Variants in USH2A observed in about 807,000 individuals in gnomAD.
USH2A encodes the protein usherin, also known as Usher syndrome 2A (autosomal recessive, mild).
USH2A carries 443 observed loss-of-function variants against 538.9 expected under a neutral mutation model. That is an observed-to-expected ratio of 0.82 (90% confidence interval 0.76 to 0.89). The LOEUF (loss-of-function observed/expected upper bound fraction) is 0.89. Ranked by LOEUF, USH2A falls within the 40% of genes least tolerant of loss-of-function variation. USH2A has a pLI of 0.00. For synonymous variants in USH2A, 2,413 were observed against 2,273.5 expected, an observed-to-expected ratio of 1.06 and a Z score of -1.75; for missense variants, 6,633 against 6,324.8, an observed-to-expected ratio of 1.05 and a Z score of -1.65.
chr1:216,083,870 A>C (rs1423543168), intron 25 of USH2A, among the ~76,000 whole-genome samples: 1 of 152,166 alleles, frequency 6.6e-6, no homozygotes, highest in East Asian at 1.9e-4. Flanking sequence ...GTTTCAGATA[A>C]ATATTAACAA....
chr1:215,740,157 T>C (rs568306453), intron 60 of USH2A, among the ~76,000 whole-genome samples: 191 of 152,294 alleles, frequency 1.3e-3, no homozygotes, highest in African/African-American at 4.5e-3. Flanking sequence ...CCTCACTTTC[T>C]CTATTTTTTC....
chr1:215,719,260 A>C (rs1382069435), intron 61 of USH2A, among the ~76,000 whole-genome samples: 2 of 150,894 alleles, frequency 1.3e-5, no homozygotes, highest in Non-Finnish European at 1.5e-5. Flanking sequence ...AGAGAACTAC[A>C]TATAGGGTGG....
intron 47 of USH2A, among the ~76,000 whole-genome samples, chr1:215,825,593 A>C (rs1008878014): frequency 6.6e-6 from 1 of 152,164 alleles, no homozygotes; most frequent in Non-Finnish European, 1.5e-5. Context: ...ACACTCTAAG[A>C]TATTAACCTA....
chr1:216,277,704 C>T (rs1203230107), intron 11 of USH2A, among the ~76,000 whole-genome samples: 2 of 152,156 alleles, frequency 1.3e-5, no homozygotes, highest in Non-Finnish European at 2.9e-5. Context: ...TACATGTCTT[C>T]AGCCTTCTAT....
chr1:215,696,250 C>A (rs1431405185), intron 61 of USH2A, among the ~76,000 whole-genome samples: 2 of 152,152 alleles, frequency 1.3e-5, no homozygotes, highest in Non-Finnish European at 2.9e-5. Flanking sequence ...GGTCTTCATC[C>A]TTGCCATTTT....
chr1:215,875,404 T>C (rs1664737763), intron 43 of USH2A, among the ~76,000 whole-genome samples: 1 of 152,112 alleles, frequency 6.6e-6, no homozygotes, highest in South Asian at 2.1e-4. Flanking sequence ...CTAGTCAAAA[T>C]ATCCCTTTAA....
chr1:215,848,556 C>T (rs1432550473), intron 44 of USH2A, among the ~76,000 whole-genome samples: 6 of 152,130 alleles, frequency 3.9e-5, no homozygotes, highest in Non-Finnish European at 7.4e-5. Context: ...CACCGTATGC[C>T]AGTCCCTCTG....
At chr1:216,361,336 A>G (rs1046848641) in intron 4 of USH2A, among the ~76,000 whole-genome samples, 6 of 152,138 alleles carry the variant, frequency 3.9e-5, no homozygotes, top group Non-Finnish European at 8.8e-5. Flanking sequence ...TATCTTCGTG[A>G]TATCAGGGTT....
intron 37 of USH2A, among the ~76,000 whole-genome samples, chr1:215,964,120 A>C (rs1667271338): frequency 6.6e-6 from 1 of 152,144 alleles, no homozygotes; most frequent in Non-Finnish European, 1.5e-5. Context: ...TCTCTGCAAA[A>C]ACAATGCAAG....
At chr1:216,273,581 C>T (rs1017102835) in intron 11 of USH2A, among the ~76,000 whole-genome samples, 1 of 151,946 alleles carries the variant, frequency 6.6e-6, no homozygotes, top group African/African-American at 2.4e-5. Flanking sequence ...TTCTGTTATT[C>T]ACTGTAATAT....
chr1:215,926,103 C>A (rs1306263239), intron 38 of USH2A, among the ~76,000 whole-genome samples: 1 of 150,496 alleles, frequency 6.6e-6, no homozygotes, highest in Non-Finnish European at 1.5e-5. Flanking sequence ...GTGCAAGATA[C>A]AATAGAGTTT....
intron 67 of USH2A, among the ~76,000 whole-genome samples, chr1:215,644,814 C>T (rs1463607905): frequency 1.3e-5 from 2 of 152,152 alleles, no homozygotes; most frequent in Non-Finnish European, 2.9e-5. Context: ...ATCTGCAGAC[C>T]GTTCCTCAGG....
Position 215,758,758 on chromosome 1 carries a change from T to C in USH2A, c.11232-6A>G. The C allele has an allele frequency of 1.2e-6, 2 of 1,613,530 alleles. No individual in the cohort carries two copies. The highest frequency in any genetic ancestry group is 1.7e-6 in the Non-Finnish European group (2 of 1,179,774). On this transcript the variant is annotated splice_polypyrimidine_tract_variant and splice_region_variant and intron_variant, in intron 57 of 71. Transcript: ENST00000307340. ...CTTCTAACTTGTAAGTGTATCTATA[T>C]TTAAAAAGAAAGAAGAATTGTGGTA...
intron 9 of USH2A, among the ~76,000 whole-genome samples, chr1:216,309,251 T>G (rs1294185168): frequency 6.6e-6 from 1 of 152,214 alleles, no homozygotes. Context: ...ATTTTGATTT[T>G]TAATTATACA....
At chr1:215,938,944 G>A (rs192425805) in intron 37 of USH2A, among the ~76,000 whole-genome samples, 85 of 152,258 alleles carry the variant, frequency 5.6e-4, no homozygotes, top group African/African-American at 1.9e-3. Context: ...ATAGGGTGCT[G>A]GGATCACTAG....
At chr1:216,386,023 G>A (rs1259205436) in intron 3 of USH2A, among the ~76,000 whole-genome samples, 2 of 152,130 alleles carry the variant, frequency 1.3e-5, no homozygotes, top group African/African-American at 4.8e-5. Flanking sequence ...ACAGTCATTA[G>A]TGTTTATGTC....
rs1558094328 is a variant in USH2A, at chr1:215,779,903, G to A, written c.10879C>T (p.Gln3627Ter). ...NGVIKEYQIR[Q>*]VGKGLIHTDT... ...GTGTGGATGAGACCTTTCCCAACCT[G>A]CCTGATCTGGTACTCTTTAATGACG... The change falls in exon 55 of 72, where the codon CAG (glutamine) becomes TAG (stop). Residue 3627 changes from glutamine (Q) to a stop codon, truncating the protein, a stop_gained. Coordinates refer to ENST00000307340, the MANE Select transcript of USH2A (RefSeq NM_206933.4). LOFTEE classifies it high-confidence loss of function. 6.2e-7 allele frequency: 1 copy of A among 1,613,990 alleles called. No individual in the cohort carries two copies. Among genetic ancestry groups the A allele is most frequent in the Non-Finnish European group, 8.5e-7 (1 of 1,180,008 alleles).
intron 58 of USH2A, 51 bp from the exon 59 acceptor site, chr1:215,743,386 A>ATATATATATATATATGTGTG (rs878870284): frequency 6.5e-6 from 2 of 310,004 alleles, no homozygotes; most frequent in Non-Finnish European, 1.1e-5. Flanking sequence ...ATATATATAT[A>ATATATATATATATATGTGTG]TGTGTGTGTG....
intron 32 of USH2A, among the ~76,000 whole-genome samples, chr1:216,026,701 T>C (rs940844409): frequency 1.3e-5 from 2 of 152,152 alleles, no homozygotes; most frequent in Non-Finnish European, 2.9e-5. Context: ...AAAGATAAAG[T>C]TCCTGCCCTC....
Sources: gnomAD v4.1 joint callset for allele counts (sites outside exome capture counted in the v4.1 genomes callset) on GRCh38, gnomAD v4.1.1 for gene constraint, MANE v1.5 for transcripts, NCBI Gene and HGNC (gene_info 2026-07-23, HGNC 2026-07-21) for gene names.